SLC43A2: variants seen among roughly 807,000 people sequenced by gnomAD.
SLC43A2 encodes solute carrier family 43 member 2, also known as large neutral amino acids transporter small subunit 4.
Under a neutral mutation model 63.2 loss-of-function variants are expected in SLC43A2, and 38 were observed. The observed-to-expected ratio is 0.60, with a 90% CI of 0.46 to 0.79. The LOEUF is 0.79. Ranked by LOEUF, SLC43A2 falls within the 30% of genes least tolerant of loss-of-function variation. The probability of loss-of-function intolerance (pLI) is 0.00; values close to 1 mark genes in which losing one functional copy is unlikely to be tolerated. For missense variants in SLC43A2, 644 were observed against 756.2 expected (o/e 0.85, Z 1.74); for synonymous variants, 322 against 331.0 (o/e 0.97, Z 0.30).
At chr17:1,581,009 T>C (rs1031321958) in intron 11 of SLC43A2, among the ~76,000 whole-genome samples, 2 of 152,172 alleles carry the variant, frequency 1.3e-5, no homozygotes, top group Non-Finnish European at 2.9e-5. Context: ...AGGCTGCTGC[T>C]GGCGGACTCC....
chr17:1,578,131 A>G lies in SLC43A2; in HGVS notation c.1424+119T>C. ...CCTGGTACCTGTCCCCTGAAGCAGGAAGATGAGCCCTTCTGGGACAGGCTG... is the reference window on the plus strand; with the variant it reads ...CCTGGTACCTGTCCCCTGAAGCAGGGAGATGAGCCCTTCTGGGACAGGCTG... On this transcript the variant is annotated intron_variant, in intron 12 of 13. Transcript: ENST00000301335. This position sits in a 1 kb window ranked among gnomAD's most constrained non-coding sequence, Gnocchi z 6.5. 1.0e-6 allele frequency: 1 copy of G among 954,952 alleles called. No homozygotes were observed. The highest frequency in any genetic ancestry group is 1.6e-6 in the Non-Finnish European group (1 of 629,414). The allele number at this position is 954,952 out of a possible 1,614,324, so 59.2% of individuals were successfully genotyped here. A position where few individuals can be genotyped will look rare whatever the true frequency, so the allele number is the denominator to read the frequency against.
intron 5 of SLC43A2, among the ~76,000 whole-genome samples, 183 bp downstream of exon 5, chr17:1,613,012 T>C (rs1257703505): frequency 1.3e-5 from 2 of 149,780 alleles, no homozygotes; most frequent in African/African-American, 2.4e-5. Context: ...AGCCACGCCC[T>C]GCTGCCTGTG....
intron 9 of SLC43A2, 78 bp from the exon 10 acceptor site, chr17:1,586,129 G>A (rs757839964): frequency 6.0e-6 from 9 of 1,492,650 alleles, no homozygotes; most frequent in Admixed American, 2.2e-5. Flanking sequence ...GCTGGGAAGG[G>A]GCTGGTCCCC....
intron 5 of SLC43A2, among the ~76,000 whole-genome samples, chr17:1,603,797 C>CAAAAA (rs1906310656): frequency 6.6e-6 from 1 of 151,932 alleles, no homozygotes. Flanking sequence ...AAAAACAAAA[C>CAAAAA]AAAACAAAAC....
chr17:1,617,614 C>T (rs1375407291), intron 2 of SLC43A2, among the ~76,000 whole-genome samples: 1 of 152,236 alleles, frequency 6.6e-6, no homozygotes. Context: ...TGGTCTCGAA[C>T]TCCTGACCTC....
chr17:1,569,345 G>A lies in SLC43A2; in HGVS notation c.*6259C>T, dbSNP rs1342808679. On this transcript the variant is annotated 3_prime_UTR_variant, in exon 14 of 14. Coordinates refer to ENST00000301335, the MANE Select transcript of SLC43A2 (RefSeq NM_152346.3). ...AGGTGCTAGAAACGGCAAAGGAGCAGGGAAGAGGCGGGTCAGCCGCTGGGT... is the reference window on the plus strand; with the variant it reads ...AGGTGCTAGAAACGGCAAAGGAGCAAGGAAGAGGCGGGTCAGCCGCTGGGT... The A allele has an allele frequency of 6.6e-6, 1 of 152,410 alleles. No homozygotes were observed. Among genetic ancestry groups the A allele is most frequent in the African/African-American group, 2.4e-5 (1 of 41,478 alleles). The allele number at this position is 152,410 out of a possible 1,614,324, so 9.4% of individuals were successfully genotyped here. A position where few individuals can be genotyped will look rare whatever the true frequency, so the allele number is the denominator to read the frequency against.
intron 6 of SLC43A2, 26 bp from the exon 7 acceptor site, chr17:1,591,725 GGGGGGGGGA>G: frequency 2.1e-6 from 2 of 975,394 alleles, no homozygotes; most frequent in Non-Finnish European, 2.9e-6. Context: ...GGGACGGGGT[GGGGGGGGGA>G]GGGGGCAGAG....
At chr17:1,611,627 C>CAAAAAAA (rs11377420) in intron 5 of SLC43A2, among the ~76,000 whole-genome samples, 1 of 120,510 alleles carries the variant, frequency 8.3e-6, no homozygotes. Context: ...CGAGCAGACT[C>CAAAAAAA]AAAAAAAAAA....
chr17:1,591,735 G>GGGGGGC, intron 6 of SLC43A2, 36 bp from the exon 7 acceptor site: 5 of 652,926 alleles, frequency 7.7e-6, no homozygotes, highest in South Asian at 1.9e-5. Flanking sequence ...GGGGGGGGGA[G>GGGGGGC]GGGGCAGAGT....
intron 2 of SLC43A2, among the ~76,000 whole-genome samples, chr17:1,619,294 C>A (rs1324487523): frequency 1.3e-5 from 2 of 151,962 alleles, no homozygotes; most frequent in Non-Finnish European, 2.9e-5. Flanking sequence ...AGAGTGAGAC[C>A]CCGTCTCGAA....
rs542757692 is a variant in SLC43A2 at position 1,614,021 on chromosome 17, A to T, written c.425-750T>A. Among the ~76,000 whole-genome samples, 54 of 152,216 alleles carry T rather than the reference A, an allele frequency of 3.5e-4. No individual in the cohort carries two copies. The South Asian group carries it at 0.01, about 29-fold the overall frequency. On this transcript the variant is annotated intron_variant, in intron 4 of 13. Transcript: ENST00000301335. ...CACTTTGGGAGGCTGAGGCAGGTGG[A>T]TCACGAGGTCAGGAGATCAAGACCA...
chr17:1,609,097 C>T lies in SLC43A2; in HGVS notation c.501+4098G>A, dbSNP rs566990519. On this transcript the variant is annotated intron_variant, in intron 5 of 13. Coordinates refer to ENST00000301335, the MANE Select transcript of SLC43A2 (RefSeq NM_152346.3). ...GAAATAAATTTTAAAAATGGCATGT[C>T]GTTTTTCATAGGATCAGAGTGGCTA... is the stretch of plus-strand genomic sequence containing the variant. Among the ~76,000 whole-genome samples the T allele has an allele frequency of 7.9e-5, 12 of 152,230 alleles. No individual in the cohort carries two copies. In the South Asian group the frequency reaches 2.1e-3, roughly 26 times the overall value.
At position 1,575,459 on chromosome 17, in the gene SLC43A2, T is replaced by C; in HGVS notation, c.*145A>G. ...CTCTCCCGTCCTTCCACCACAGAGC[T>C]CCGAGGCAGGGCCCCGGGAGGGAGC... On this transcript the variant is annotated 3_prime_UTR_variant, in exon 14 of 14. Transcript: ENST00000301335. The C allele has an allele frequency of 9.4e-7, 1 of 1,059,976 alleles. No homozygotes were observed. 65.7% of individuals were successfully genotyped at this position (1,059,976 alleles called of 1,614,324 possible).
Position 1,574,282 on chromosome 17 carries a change from C to T in SLC43A2, c.*1322G>A, listed in dbSNP as rs112975916. 6.2e-3 allele frequency: 944 copies of T among 152,660 alleles called. 15 individuals are homozygous for T. Among genetic ancestry groups the T allele is most frequent in the African/African-American group, 0.02 (851 of 41,544 alleles). The allele number at this position is 152,660 out of a possible 1,614,324, so 9.5% of individuals were successfully genotyped here. A position where few individuals can be genotyped will look rare whatever the true frequency, so the allele number is the denominator to read the frequency against. ...CCGAGTCAGCAGTCCCCCAGAGAGA[C>T]GAAGAGCAGCTGGGCACGGCTGGAG... On this transcript the variant is annotated 3_prime_UTR_variant, in exon 14 of 14. Coordinates refer to ENST00000301335, the MANE Select transcript of SLC43A2 (RefSeq NM_152346.3).
chr17:1,595,229 C>T (rs1273647054), intron 5 of SLC43A2, among the ~76,000 whole-genome samples: 1 of 151,290 alleles, frequency 6.6e-6, no homozygotes, highest in East Asian at 2.0e-4. Context: ...TGCAGTGAGC[C>T]GACACTGCGC....
Position 1,578,126 on chromosome 17 carries a change from G to A in SLC43A2, c.1424+124C>T, listed in dbSNP as rs1449863658. The A allele has an allele frequency of 9.9e-6, 9 of 904,662 alleles. 1 individual carries two copies. Among genetic ancestry groups the A allele is most frequent in the Non-Finnish European group, 1.4e-5 (8 of 588,816 alleles). 56.0% of individuals were successfully genotyped at this position (904,662 alleles called of 1,614,324 possible). A position where few individuals can be genotyped will look rare whatever the true frequency, so the allele number is the denominator to read the frequency against. On this transcript the variant is annotated intron_variant, in intron 12 of 13. Transcript: ENST00000301335. The surrounding 1 kb of genome is among the most constrained non-coding windows in gnomAD (Gnocchi z 6.5). ...GAAACCCTGGTACCTGTCCCCTGAA[G>A]CAGGAAGATGAGCCCTTCTGGGACA...
At chr17:1,580,325 T>C (rs922460481) in intron 11 of SLC43A2, among the ~76,000 whole-genome samples, 1 of 152,172 alleles carries the variant, frequency 6.6e-6, no homozygotes, top group African/African-American at 2.4e-5. Context: ...TGAGTGCATG[T>C]GCACCGTGGA....
At chr17:1,575,880 G>A (rs1404446231) in intron 13 of SLC43A2, 115 bp from the exon 14 acceptor site, 5 of 1,200,320 alleles carry the variant, frequency 4.2e-6, no homozygotes, top group African/African-American at 3.1e-5. Flanking sequence ...AAGGGGGAAC[G>A]AAACAGGAAG....
intron 4 of SLC43A2, 32 bp from the exon 5 acceptor site, chr17:1,613,303 AC>A: frequency 6.2e-7 from 1 of 1,606,978 alleles, no homozygotes; most frequent in Non-Finnish European, 8.5e-7. Flanking sequence ...GTGAGTGGAG[AC>A]CCCAGCTGAG....
Sources: gnomAD v4.1 joint callset for allele counts (sites outside exome capture counted in the v4.1 genomes callset) on GRCh38, gnomAD v4.1.1 for gene constraint, Gnocchi (gnomAD v3.1) non-coding constraint, MANE v1.5 for transcripts, NCBI Gene and HGNC (gene_info 2026-07-23, HGNC 2026-07-21) for gene names.